POU6F2: variants seen among roughly 807,000 people sequenced by gnomAD.
POU6F2 encodes POU class 6 homeobox 2, also known as POU domain, class 6, transcription factor 2.
In POU6F2, 31 loss-of-function variants were observed where a neutral mutation model predicts 71.3. That is an observed-to-expected ratio of 0.43 (90% confidence interval 0.33 to 0.59). The LOEUF (loss-of-function observed/expected upper bound fraction) is 0.59. Ranked by LOEUF, POU6F2 falls within the 20% of genes least tolerant of loss-of-function variation. The probability of loss-of-function intolerance (pLI) is 0.04; values close to 1 mark genes in which losing one functional copy is unlikely to be tolerated. For missense variants in POU6F2, 783 were observed against 856.8 expected, an observed-to-expected ratio of 0.91 and a Z score of 1.07; for synonymous variants, 347 against 355.7, an observed-to-expected ratio of 0.98 and a Z score of 0.27.
In POU6F2 at chr7:39,086,046, G is replaced by A. The variant is rs1282777485; in HGVS notation, c.277+15G>A. 8 of 1,611,898 alleles carry A rather than the reference G, an allele frequency of 5.0e-6. No homozygotes were observed. The highest frequency in any genetic ancestry group is 6.8e-6 in the Non-Finnish European group (8 of 1,178,948). On this transcript the variant is annotated intron_variant, in intron 2 of 9. Coordinates refer to ENST00000518318, the MANE Select transcript of POU6F2 (RefSeq NM_001370959.1). Reference sequence around the variant, plus strand: ...CAAGCTCTTCGGTAAGTCTGTCTAGGTATTTCATTTCAGTACTACCATGTT... The same window carrying A: ...CAAGCTCTTCGGTAAGTCTGTCTAGATATTTCATTTCAGTACTACCATGTT...
At chr7:39,221,220 A>T (rs1241365318) in intron 4 of POU6F2, among the ~76,000 whole-genome samples, 1 of 152,020 alleles carries the variant, frequency 6.6e-6, no homozygotes, top group East Asian at 1.9e-4. Flanking sequence ...TAACAGGTAC[A>T]TGTAAATTGT....
rs1211277715 is a variant in POU6F2, at chr7:39,460,658, T to C, written c.1601T>C (p.Val534Ala). The stretch of plus-strand genomic sequence containing the variant: ...TCCCTTGGCCTGACCCAGACTCAGG[T>C]GGGACAGGCTCTCAGTGCTACAGAG... ...RLSLGLTQTQVGQALSATEGP... is the reference protein window; with the variant it reads ...RLSLGLTQTQAGQALSATEGP... The change falls in exon 9 of 10, where the codon GTG becomes GCG. Residue 534 changes from valine (V) to alanine (A), a missense_variant. Coordinates refer to ENST00000518318, the MANE Select transcript of POU6F2 (RefSeq NM_001370959.1). The surrounding 1 kb of genome is among the most constrained non-coding windows in gnomAD (Gnocchi z 4.4). 1 of 1,609,610 alleles carries C rather than the reference T, an allele frequency of 6.2e-7. No homozygotes were observed. The highest frequency in any genetic ancestry group is 1.1e-5 in the South Asian group (1 of 90,070).
chr7:39,200,090 G>C (rs1228312801), intron 2 of POU6F2, among the ~76,000 whole-genome samples: 1 of 152,194 alleles, frequency 6.6e-6, no homozygotes, highest in Non-Finnish European at 1.5e-5. Context: ...TATGATGAAA[G>C]AATGGTGCAG....
chr7:39,173,801 T>C (rs1793274004), intron 2 of POU6F2, among the ~76,000 whole-genome samples: 1 of 152,224 alleles, frequency 6.6e-6, no homozygotes, highest in Non-Finnish European at 1.5e-5. Flanking sequence ...TCAGACAATA[T>C]GTTCTGATCT....
chr7:39,412,014 C>T (rs1449487706), intron 6 of POU6F2, among the ~76,000 whole-genome samples: 1 of 152,178 alleles, frequency 6.6e-6, no homozygotes, highest in East Asian at 1.9e-4. Context: ...TGTAATAAGA[C>T]AAATAACATC....
chr7:39,348,779 G>T (rs1439645729), intron 5 of POU6F2, among the ~76,000 whole-genome samples: 6 of 152,154 alleles, frequency 3.9e-5, no homozygotes, highest in Admixed American at 2.6e-4. Context: ...TTCCATGGTG[G>T]GTAGGCAGGT....
chr7:39,413,270 T>G (rs1419129516), intron 6 of POU6F2, among the ~76,000 whole-genome samples: 1 of 152,160 alleles, frequency 6.6e-6, no homozygotes, highest in African/African-American at 2.4e-5. Context: ...CCAAGGTGAT[T>G]ACCATGATAA....
At position 39,085,923 on chromosome 7, in the gene POU6F2, G is replaced by C; in HGVS notation, c.169G>C (p.Glu57Gln). The C allele has an allele frequency of 1.2e-6, 2 of 1,613,730 alleles. No homozygotes were observed. Among genetic ancestry groups the C allele is most frequent in the Non-Finnish European group, 1.7e-6 (2 of 1,179,802 alleles). The change falls in exon 2 of 10, where the codon GAG (glutamate) becomes CAG (glutamine). Residue 57 changes from glutamate (E) to glutamine (Q), a missense_variant. By Grantham distance (29) the Glu-to-Gln change is conservative. Coordinates refer to ENST00000518318, the MANE Select transcript of POU6F2 (RefSeq NM_001370959.1). ...GTCAGTGCGGAGTGAAATGAATGCG[G>C]AGTTGAGAGGTGAGGACAAGGCTGC... The part of the protein sequence containing the change: ...LLSVRSEMNA[E>Q]LRGEDKAATS...
intron 1 of POU6F2, among the ~76,000 whole-genome samples, chr7:38,985,995 A>G (rs1218630244): frequency 6.6e-6 from 1 of 152,152 alleles, no homozygotes; most frequent in Non-Finnish European, 1.5e-5. Context: ...TAGTGACGAA[A>G]GAATTTAGAG....
chr7:39,463,571 T>A (rs1788997781), intron 9 of POU6F2, among the ~76,000 whole-genome samples: 1 of 151,922 alleles, frequency 6.6e-6, no homozygotes, highest in Admixed American at 6.5e-5. Flanking sequence ...TTACATACGG[T>A]GAAAATTGTT....
intron 6 of POU6F2, among the ~76,000 whole-genome samples, chr7:39,430,683 T>G (rs928032241): frequency 6.6e-6 from 1 of 152,210 alleles, no homozygotes; most frequent in Non-Finnish European, 1.5e-5. Flanking sequence ...GTTCTGTAAC[T>G]GTCATGTGCT....
At chr7:39,313,274 C>T (rs953181919) in intron 4 of POU6F2, among the ~76,000 whole-genome samples, 26 of 152,166 alleles carry the variant, frequency 1.7e-4, no homozygotes, top group African/African-American at 6.3e-4. Flanking sequence ...GCCTCTGCCT[C>T]AAGGGTTCTT....
chr7:39,228,859 C>T (rs1281695383), intron 4 of POU6F2, among the ~76,000 whole-genome samples: 1 of 152,170 alleles, frequency 6.6e-6, no homozygotes, highest in African/African-American at 2.4e-5. Context: ...CCCTTGCTCC[C>T]AGGCTCATGG....
At chr7:39,164,505 TTCTGG>T (rs2128737425) in intron 2 of POU6F2, among the ~76,000 whole-genome samples, 1 of 150,216 alleles carries the variant, frequency 6.7e-6, no homozygotes, top group Admixed American at 6.6e-5. Flanking sequence ...GAACCCATTG[TTCTGG>T]AAGGTCCCCA....
intron 5 of POU6F2, among the ~76,000 whole-genome samples, chr7:39,374,081 G>T (rs1786663567): frequency 6.6e-6 from 1 of 152,080 alleles, no homozygotes; most frequent in African/African-American, 2.4e-5. Context: ...TGTAAATATT[G>T]GGGCAAAGGG....
At chr7:39,072,623 G>A (rs930158766) in intron 1 of POU6F2, among the ~76,000 whole-genome samples, 1 of 152,114 alleles carries the variant, frequency 6.6e-6, no homozygotes, top group Non-Finnish European at 1.5e-5. Context: ...TTACAAATAC[G>A]CAGGGAGAAA....
At chr7:39,148,259 TTTGACCAGGGGCCAAACC>T (rs1246682540) in intron 2 of POU6F2, among the ~76,000 whole-genome samples, 4 of 152,216 alleles carry the variant, frequency 2.6e-5, no homozygotes, top group Admixed American at 6.5e-5. Flanking sequence ...ATTGACAGGA[TTTGACCAGGGGCCAAACC>T]TGTGACATCT....
intron 2 of POU6F2, among the ~76,000 whole-genome samples, chr7:39,088,543 G>A (rs1791302661): frequency 6.6e-6 from 1 of 152,126 alleles, no homozygotes; most frequent in South Asian, 2.1e-4. Flanking sequence ...TTCTTCCTGA[G>A]TAGTTGACAG....
At chr7:39,373,291 G>A (rs923018290) in intron 5 of POU6F2, among the ~76,000 whole-genome samples, 2 of 152,188 alleles carry the variant, frequency 1.3e-5, no homozygotes, top group Admixed American at 1.3e-4. Flanking sequence ...GATAAGTTCT[G>A]ATAATGTTGG....
Sources: gnomAD v4.1 joint callset for allele counts (sites outside exome capture counted in the v4.1 genomes callset) on GRCh38, gnomAD v4.1.1 for gene constraint, Gnocchi (gnomAD v3.1) non-coding constraint, MANE v1.5 for transcripts, NCBI Gene and HGNC (gene_info 2026-07-23, HGNC 2026-07-21) for gene names.